CXADR: variants seen among roughly 807,000 people sequenced by gnomAD.
CXADR encodes the protein coxsackievirus and adenovirus receptor.
Under a neutral mutation model 40.3 loss-of-function variants are expected in CXADR, and 20 were observed. The ratio of observed to expected loss-of-function variants is 0.50; its 90% CI spans 0.35 to 0.72. The LOEUF (loss-of-function observed/expected upper bound fraction) is 0.72, where lower values mean the gene tolerates loss of function less well. Ranked by LOEUF, CXADR falls within the 30% of genes least tolerant of loss-of-function variation. The pLI is 0.01. For missense variants in CXADR, 332 were observed against 449.1 expected (o/e 0.74, Z 2.36); for synonymous variants, 150 against 161.3 (o/e 0.93, Z 0.53).
chr21:17,618,251 G>A, the CXADR span, among the ~76,000 whole-genome samples: 1 of 152,128 alleles, frequency 6.6e-6, no homozygotes, highest in Non-Finnish European at 1.5e-5. Context: ...CACATCTTCA[G>A]GGTCCACTTC....
the CXADR span, chr21:17,613,881 A>G: frequency 6.6e-6 from 1 of 152,218 alleles, no homozygotes; most frequent in Non-Finnish European, 1.5e-5. Flanking sequence ...GGGCTAAACC[A>G]TGTTGTAAAC....
chr21:17,534,097 TA>T (rs1415819909), intron 1 of CXADR, among the ~76,000 whole-genome samples: 185 of 96,526 alleles, frequency 1.9e-3, no homozygotes, highest in African/African-American at 3.2e-3. Context: ...TATATATATA[TA>T]TATTTTTTTT....
At chr21:17,547,993 C>T (rs1188124769) in intron 2 of CXADR, among the ~76,000 whole-genome samples, 1 of 151,994 alleles carries the variant, frequency 6.6e-6, no homozygotes, top group Admixed American at 6.6e-5. Flanking sequence ...CATGTTTTAC[C>T]TTTTCAATGG....
chr21:17,598,265 T>A (rs1292066584), downstream of CXADR, among the ~76,000 whole-genome samples: 1 of 152,110 alleles, frequency 6.6e-6, no homozygotes, highest in Non-Finnish European at 1.5e-5. Flanking sequence ...AATAGAAAGT[T>A]AAACCCAAAG....
chr21:17,547,325 G>T, intron 2 of CXADR, 132 bp downstream of exon 2: 1 of 1,297,740 alleles, frequency 7.7e-7, no homozygotes, highest in Non-Finnish European at 1.0e-6. Context: ...AGGCTTTATG[G>T]TCTGGGTGAG....
In CXADR at chr21:17,566,938, T is replaced by G. The variant is rs1260147896; in HGVS notation, c.*1246T>G. ...GTTTGTCTTAGTTTTGTGAAGGTGATTTATTCTTAAAAAAAAAAAAGAAAG... is the reference window on the plus strand; with the variant it reads ...GTTTGTCTTAGTTTTGTGAAGGTGAGTTATTCTTAAAAAAAAAAAAGAAAG... On this transcript the variant is annotated 3_prime_UTR_variant, in exon 7 of 7. Transcript: ENST00000284878. 27 of 912,276 alleles carry G rather than the reference T, an allele frequency of 3.0e-5. No individual in the cohort carries two copies. The highest frequency in any genetic ancestry group is 3.0e-5 in the Non-Finnish European group (24 of 792,494). 56.5% of individuals were successfully genotyped at this position (912,276 alleles called of 1,614,324 possible).
chr21:17,518,940 C>T, intron 1 of CXADR: 2 of 1,607,194 alleles, frequency 1.2e-6, no homozygotes, highest in Non-Finnish European at 1.7e-6. Flanking sequence ...GAGCTGTACC[C>T]TTGCCCCCTA....
At chr21:17,617,025 G>A in the CXADR span, among the ~76,000 whole-genome samples, 2 of 152,122 alleles carry the variant, frequency 1.3e-5, no homozygotes, top group African/African-American at 2.4e-5. Context: ...TGGAAACTGG[G>A]CACACCAACC....
chr21:17,513,067 G>C lies in CXADR; in HGVS notation c.-63G>C. 7.6e-7 allele frequency: 1 copy of C among 1,315,302 alleles called. No individual in the cohort carries two copies. The highest frequency in any genetic ancestry group is 9.7e-7 in the Non-Finnish European group (1 of 1,026,142). The allele number at this position is 1,315,302 out of a possible 1,614,324, so 81.5% of individuals were successfully genotyped here. A position where few individuals can be genotyped will look rare whatever the true frequency, so the allele number is the denominator to read the frequency against. ...CAGTCGGGAGCGCGCGAGGCGCGGG[G>C]AGCCTGGGACCAGGAGCGAGAGCCG... On this transcript the variant is annotated 5_prime_UTR_variant, in exon 1 of 7. Coordinates refer to ENST00000284878, the MANE Select transcript of CXADR (RefSeq NM_001338.5).
chr21:17,549,068 T>A (rs1198684707), intron 2 of CXADR, among the ~76,000 whole-genome samples: 1 of 152,236 alleles, frequency 6.6e-6, no homozygotes, highest in Non-Finnish European at 1.5e-5. Context: ...TGCATTCTTA[T>A]TCCTTATGTG....
chr21:17,532,161 G>A (rs2060686583), intron 1 of CXADR, among the ~76,000 whole-genome samples: 1 of 152,038 alleles, frequency 6.6e-6, no homozygotes, highest in East Asian at 1.9e-4. Flanking sequence ...TCAAACTCCT[G>A]GGCCTAAGCA....
chr21:17,579,244 G>A (rs115014794), intron 7 of CXADR, among the ~76,000 whole-genome samples: 2,582 of 152,042 alleles, frequency 0.017, 68 homozygotes, highest in African/African-American at 0.059. Context: ...GTGTGGATAG[G>A]ATGTTATTAG....
chr21:17,586,022 C>T (rs1168812211), intron 7 of CXADR, among the ~76,000 whole-genome samples: 1 of 152,064 alleles, frequency 6.6e-6, no homozygotes, highest in Non-Finnish European at 1.5e-5. Flanking sequence ...TTATTCTTTG[C>T]GAATATAGTA....
downstream of CXADR, chr21:17,593,910 A>G: frequency 1.3e-6 from 1 of 759,760 alleles, no homozygotes; most frequent in Admixed American, 3.5e-5. Flanking sequence ...CTCAAACTAT[A>G]TCAATATCTA....
chr21:17,634,215 C>G, the CXADR span, among the ~76,000 whole-genome samples: 1 of 152,162 alleles, frequency 6.6e-6, no homozygotes, highest in Non-Finnish European at 1.5e-5. Flanking sequence ...GATTTCCTAT[C>G]TCTTAAATTC....
the CXADR span, among the ~76,000 whole-genome samples, chr21:17,615,772 T>C: frequency 6.6e-6 from 1 of 152,226 alleles, no homozygotes; most frequent in East Asian, 1.9e-4. Context: ...AATGAGCCAC[T>C]CTAATATGTC....
intron 1 of CXADR, among the ~76,000 whole-genome samples, chr21:17,545,931 C>T (rs1295313227): frequency 6.6e-6 from 1 of 151,830 alleles, no homozygotes; most frequent in Non-Finnish European, 1.5e-5. Context: ...AGTCATGTGC[C>T]ACCATACCCA....
the CXADR span, among the ~76,000 whole-genome samples, chr21:17,602,758 A>G: frequency 1.3e-5 from 2 of 152,230 alleles, no homozygotes; most frequent in African/African-American, 4.8e-5. Flanking sequence ...GGCATCATCA[A>G]GTAATGAAAT....
chr21:17,563,617 C>T (rs536407506), intron 6 of CXADR, among the ~76,000 whole-genome samples: 2 of 152,164 alleles, frequency 1.3e-5, no homozygotes, highest in East Asian at 3.9e-4. Flanking sequence ...AAATGCAACA[C>T]AGACATGAAG....
Sources: allele counts gnomAD v4.1 joint callset (sites outside exome capture counted in the v4.1 genomes callset), GRCh38; gene constraint gnomAD v4.1.1; transcripts MANE v1.5; gene names NCBI Gene and HGNC (gene_info 2026-07-23, HGNC 2026-07-21).